FSD2: variants seen among roughly 807,000 people sequenced by gnomAD.
FSD2 encodes the protein fibronectin type III and SPRY domain-containing protein 2.
A neutral mutation model predicts 80.4 loss-of-function variants in FSD2; 71 were observed. That is an observed-to-expected ratio of 0.88 (90% confidence interval 0.73 to 1.08). The LOEUF is 1.08. Among genes scored for constraint, FSD2 ranks in the 50% least tolerant of loss-of-function variants. The pLI is 0.00. For missense variants in FSD2, 923 were observed against 913.8 expected, an observed-to-expected ratio of 1.01 and a Z score of -0.13; for synonymous variants, 361 against 329.5, an observed-to-expected ratio of 1.10 and a Z score of -1.03.
At chr15:82,771,105 C>G (rs969734354) in intron 7 of FSD2, among the ~76,000 whole-genome samples, 3 of 152,090 alleles carry the variant, frequency 2.0e-5, no homozygotes, top group African/African-American at 7.2e-5. Context: ...TCAAGAATTC[C>G]CCTTCTTTCC....
At chr15:82,782,505 C>A (rs1410931380) in intron 4 of FSD2, among the ~76,000 whole-genome samples, 1 of 152,178 alleles carries the variant, frequency 6.6e-6, no homozygotes, top group East Asian at 1.9e-4. Flanking sequence ...ATCTGGGTGA[C>A]CAGAACAGAG....
At chr15:82,769,430 T>C (rs1463525968) in intron 8 of FSD2, among the ~76,000 whole-genome samples, 1 of 143,428 alleles carries the variant, frequency 7.0e-6, no homozygotes, top group East Asian at 2.0e-4. Flanking sequence ...AAAAAAAAAA[T>C]CAGATGTGGT....
intron 1 of FSD2, among the ~76,000 whole-genome samples, chr15:82,797,548 C>T (rs1480676963): frequency 1.3e-5 from 2 of 152,226 alleles, no homozygotes; most frequent in Non-Finnish European, 2.9e-5. Context: ...TGGTGGCTCA[C>T]GCCTGTAATC....
chr15:82,770,506 C>A (rs2049539775), intron 7 of FSD2, among the ~76,000 whole-genome samples: 1 of 152,112 alleles, frequency 6.6e-6, no homozygotes, highest in Non-Finnish European at 1.5e-5. Context: ...CTCATCTCTA[C>A]TAAAAATACA....
intron 9 of FSD2, among the ~76,000 whole-genome samples, chr15:82,768,199 C>T (rs1596232795): frequency 6.6e-6 from 1 of 152,196 alleles, no homozygotes; most frequent in African/African-American, 2.4e-5. Flanking sequence ...TTGTTTTCGC[C>T]TATGGCTTTC....
Position 82,769,741 on chromosome 15 carries a change from G to A in FSD2, c.1402+9C>T. On this transcript the variant is annotated intron_variant, in intron 8 of 12. Coordinates refer to ENST00000334574, the MANE Select transcript of FSD2 (RefSeq NM_001007122.4). Reference sequence around the variant, plus strand: ...AAAGCCCTGCTATAGGAAATGAGTAGCCCATTACCTGTCATGTACACTGCA... The same window carrying A: ...AAAGCCCTGCTATAGGAAATGAGTAACCCATTACCTGTCATGTACACTGCA... The A allele has an allele frequency of 1.2e-6, 2 of 1,606,006 alleles. No individual in the cohort carries two copies. The highest frequency in any genetic ancestry group is 1.7e-6 in the Non-Finnish European group (2 of 1,173,480).
Position 82,760,583 on chromosome 15 carries a change from T to C in FSD2, c.1998-983A>G, listed in dbSNP as rs561450285. Among the ~76,000 whole-genome samples, 19 of 46,774 alleles carry C rather than the reference T, an allele frequency of 4.1e-4. No homozygotes were observed. The African/African-American group carries it at 4.4e-3, about 11-fold the overall frequency. 30.7% of individuals were successfully genotyped at this position (46,774 alleles called of 152,430 possible). A position where few individuals can be genotyped will look rare whatever the true frequency, so the allele number is the denominator to read the frequency against. The stretch of plus-strand genomic sequence containing the variant: ...TTTCACCTTAATTTAACTAAGCAGC[T>C]GCCAGAAGCTATGAGTCGTTTCTTC... On this transcript the variant is annotated intron_variant, in intron 12 of 12. Coordinates refer to ENST00000334574, the MANE Select transcript of FSD2 (RefSeq NM_001007122.4).
rs1225094055 is a variant in FSD2 at position 82,766,013 on chromosome 15, C to T, written c.1572G>A (p.Pro524=). 6.3e-6 allele frequency: 10 copies of T among 1,587,278 alleles called. No individual in the cohort carries two copies. Among genetic ancestry groups the T allele is most frequent in the African/African-American group, 1.3e-5 (1 of 74,508 alleles). ...GCAGCTGCACCACGGACTCGCAGGT[C>T]GGGATGCCCACAACAGACCTGTACA... ...SGVTESVVGI[P]TCESVVQLQP... is the part of the protein sequence containing the mutation. The change falls in exon 10 of 13, where the codon CCG becomes CCA. Residue 524 remains proline, a synonymous_variant. Coordinates refer to ENST00000334574, the MANE Select transcript of FSD2 (RefSeq NM_001007122.4).
chr15:82,805,235 G>A (rs1449017147), intron 1 of FSD2, among the ~76,000 whole-genome samples: 1 of 149,652 alleles, frequency 6.7e-6, no homozygotes, highest in Non-Finnish European at 1.5e-5. Flanking sequence ...ACCTCACTTG[G>A]CTTGTTTATT....
intron 1 of FSD2, among the ~76,000 whole-genome samples, chr15:82,791,586 T>C (rs922105479): frequency 6.6e-5 from 10 of 151,216 alleles, no homozygotes; most frequent in African/African-American, 2.4e-4. Context: ...TTGCCCAGGA[T>C]AGTCTTGAAC....
rs2049202658 is a variant in FSD2, at chr15:82,757,564, C to T, written c.*1784G>A. On this transcript the variant is annotated 3_prime_UTR_variant, in exon 13 of 13. Transcript: ENST00000334574. ...AGCCAGGATGGTCTCGATCTCCTGA[C>T]CTTGTGATCCATCCACCTTGGCCCC... The T allele has an allele frequency of 6.6e-6, 1 of 152,114 alleles. No individual in the cohort carries two copies. Among genetic ancestry groups the T allele is most frequent in the East Asian group, 1.9e-4 (1 of 5,178 alleles). The allele number at this position is 152,114 out of a possible 1,614,324, so 9.4% of individuals were successfully genotyped here.
Position 82,800,691 on chromosome 15 carries a change from C to CAAAAAAAAAA in FSD2, c.-79+5265_-79+5274dup, listed in dbSNP as rs769762172. Reference sequence around the variant, plus strand: ...TGGGGGATAGAGCGAGATTCTGTCTCAAAAAAAAAAAAAAAAAAAAAAGCC... The same window carrying CAAAAAAAAAA: ...TGGGGGATAGAGCGAGATTCTGTCTCAAAAAAAAAAAAAAAAAAAAAAAAAAAAAAAAGCC... On this transcript the variant is annotated intron_variant, in intron 1 of 12. Transcript: ENST00000334574. Among the ~76,000 whole-genome samples, 417 of 47,808 alleles carry CAAAAAAAAAA rather than the reference C, an allele frequency of 8.7e-3. 56 individuals are homozygous for CAAAAAAAAAA. The highest frequency in any genetic ancestry group is 0.03 in the African/African-American group (301 of 10,118). The allele number at this position is 47,808 out of a possible 152,430, so 31.4% of individuals were successfully genotyped here. A position where few individuals can be genotyped will look rare whatever the true frequency, so the allele number is the denominator to read the frequency against.
chr15:82,775,468 T>A (rs2049694266), intron 6 of FSD2, among the ~76,000 whole-genome samples: 1 of 152,158 alleles, frequency 6.6e-6, no homozygotes, highest in Non-Finnish European at 1.5e-5. Flanking sequence ...TTTGGATGCC[T>A]TTCTATCTTT....
In FSD2 at chr15:82,782,938, G is replaced by C; in HGVS notation, c.823C>G (p.Gln275Glu). Reference sequence around the variant, plus strand: ...TCTTTCTTTTTCTCCCCTAGAGCTTGTATTTTTTCCTCATATTTTTGAGCA... The same window carrying C: ...TCTTTCTTTTTCTCCCCTAGAGCTTCTATTTTTTCCTCATATTTTTGAGCA... The part of the protein sequence containing the change: ...TLAQKYEEKI[Q>E]ALGEKKKEKL... The change falls in exon 4 of 13, where the codon CAA becomes GAA. Residue 275 changes from glutamine to glutamate, a missense_variant. Coordinates refer to ENST00000334574, the MANE Select transcript of FSD2 (RefSeq NM_001007122.4). The C allele has an allele frequency of 1.2e-6, 2 of 1,613,678 alleles. No individual in the cohort carries two copies. Among genetic ancestry groups the C allele is most frequent in the Non-Finnish European group, 1.7e-6 (2 of 1,179,790 alleles).
intron 7 of FSD2, among the ~76,000 whole-genome samples, 192 bp from the exon 8 acceptor site, chr15:82,770,076 A>C (rs2082086274): frequency 6.6e-6 from 1 of 152,124 alleles, no homozygotes; most frequent in Non-Finnish European, 1.5e-5. Flanking sequence ...TATTCCTTGA[A>C]ACTGGGCTTA....
At chr15:82,765,376 C>G (rs1293285327) in intron 10 of FSD2, 78 bp from the exon 11 acceptor site, 4 of 1,593,458 alleles carry the variant, frequency 2.5e-6, no homozygotes, top group Non-Finnish European at 3.4e-6. Context: ...ACCGGTTTAG[C>G]TTCGTGTGGG....
chr15:82,782,204 G>A lies in FSD2; in HGVS notation c.966+591C>T, dbSNP rs1220115071. 8.7e-5 allele frequency among the ~76,000 whole-genome samples: 13 copies of A among 148,742 alleles called. No individual in the cohort carries two copies. In the East Asian group the frequency reaches 2.0e-3, roughly 23 times the overall value. ...AGTTCAGGAGATCAAGACCATCCTG[G>A]CTAACACAGTGAAACCCCGTCTCTA... is the stretch of plus-strand genomic sequence containing the variant. On this transcript the variant is annotated intron_variant, in intron 4 of 12. Transcript: ENST00000334574.
intron 5 of FSD2, among the ~76,000 whole-genome samples, chr15:82,779,681 G>T (rs1023776320): frequency 2.0e-5 from 3 of 146,822 alleles, no homozygotes; most frequent in African/African-American, 7.7e-5. Context: ...AAAAAAAAAA[G>T]AATTTGAAAC....
intron 1 of FSD2, among the ~76,000 whole-genome samples, chr15:82,797,678 CG>C (rs1363295879): frequency 2.6e-5 from 4 of 152,058 alleles, no homozygotes; most frequent in Non-Finnish European, 5.9e-5. Context: ...GGCGTGGTGG[CG>C]GGCGCCTGTA....
Sources: gnomAD v4.1 joint callset for allele counts (sites outside exome capture counted in the v4.1 genomes callset) on GRCh38, gnomAD v4.1.1 for gene constraint, MANE v1.5 for transcripts, NCBI Gene and HGNC (gene_info 2026-07-23, HGNC 2026-07-21) for gene names.